The following RBM4B variants were observed in gnomAD, a reference collection of about 807,000 sequenced individuals.
RBM4B encodes the protein RNA binding motif protein 4B, also known as RNA-binding protein 4B.
Under a neutral mutation model 28.5 loss-of-function variants are expected in RBM4B, and 13 were observed. The observed-to-expected ratio is 0.46, with a 90% CI of 0.30 to 0.72. The LOEUF (loss-of-function observed/expected upper bound fraction) is 0.72. RBM4B is among the 30% of genes least tolerant of loss of function. RBM4B has a pLI of 0.09. For synonymous variants in RBM4B, 167 were observed against 179.1 expected (o/e 0.93, Z 0.54); for missense variants, 387 against 477.6 (o/e 0.81, Z 1.77).
At chr11:66,670,593 G>A (rs902609145) in intron 2 of RBM4B, among the ~76,000 whole-genome samples, 2 of 152,116 alleles carry the variant, frequency 1.3e-5, no homozygotes, top group African/African-American at 4.8e-5. Context: ...GTCTTTAAAA[G>A]CAGTTAAAGA....
chr11:66,665,860 G>A, intron 3 of RBM4B: 1 of 1,531,184 alleles, frequency 6.5e-7, no homozygotes, highest in Non-Finnish European at 8.7e-7. Flanking sequence ...TTTTAGGCAA[G>A]ATAACCCCTG....
rs769948381 is a variant in RBM4B at position 66,668,647 on chromosome 11, G to A, written c.1057C>T (p.Arg353Ter). The change falls in exon 3 of 4, where the codon CGA becomes TGA. Residue 353 changes from arginine (R) to a stop codon, truncating the protein, a stop_gained. Coordinates refer to ENST00000310046, the MANE Select transcript of RBM4B (RefSeq NM_031492.4). LOFTEE classifies it high-confidence loss of function. ...TTTTAAAAGGCTGAGTACCGGGCTCGGTCCACATACTGCTCCCGTTCATAC... is the reference window on the plus strand; with the variant it reads ...TTTTAAAAGGCTGAGTACCGGGCTCAGTCCACATACTGCTCCCGTTCATAC... Reference protein sequence around the residue: ...ARYEREQYVDRARYSAF With the variant: ...ARYEREQYVD The A allele has an allele frequency of 2.2e-5, 35 of 1,605,332 alleles. No homozygotes were observed. The highest frequency in any genetic ancestry group is 2.9e-5 in the Non-Finnish European group (34 of 1,172,612).
At position 66,665,213 on chromosome 11, in the gene RBM4B, G is replaced by A. The variant is rs150412412; in HGVS notation, c.*375C>T. The A allele has an allele frequency of 5.5e-5, 14 of 256,198 alleles. No homozygotes were observed. Among genetic ancestry groups the A allele is most frequent in the Middle Eastern group, 1.4e-3 (1 of 734 alleles). 15.9% of individuals were successfully genotyped at this position (256,198 alleles called of 1,614,324 possible). On this transcript the variant is annotated 3_prime_UTR_variant, in exon 4 of 4. Transcript: ENST00000310046. Reference sequence around the variant, plus strand: ...CTAACAGAAGAGTAAAAGGCTGCTTGCCACTACATGGTCATTTTAAAGGGA... The same window carrying A: ...CTAACAGAAGAGTAAAAGGCTGCTTACCACTACATGGTCATTTTAAAGGGA...
Sources: gnomAD v4.1 joint callset for allele counts (sites outside exome capture counted in the v4.1 genomes callset) on GRCh38, gnomAD v4.1.1 for gene constraint, MANE v1.5 for transcripts, NCBI Gene and HGNC (gene_info 2026-07-23, HGNC 2026-07-21) for gene names.